ATXN2L: variants seen among roughly 807,000 people sequenced by gnomAD.
The protein encoded by ATXN2L is ataxin-2-like protein.
In ATXN2L, 24 loss-of-function variants were observed where a neutral mutation model predicts 120.7. That is an observed-to-expected ratio of 0.20 (90% CI 0.14 to 0.28). The LOEUF (loss-of-function observed/expected upper bound fraction) is 0.28, where lower values mean the gene tolerates loss of function less well. Among genes scored for constraint, ATXN2L ranks in the 10% least tolerant of loss-of-function variants. The pLI is 1.00. For synonymous variants in ATXN2L, 653 were observed against 568.1 expected, an observed-to-expected ratio of 1.15 and a Z score of -2.13; for missense variants, 1,312 against 1,432.3, an observed-to-expected ratio of 0.92 and a Z score of 1.36.
At position 28,833,484 on chromosome 16, in the gene ATXN2L, T is replaced by C. The variant is rs762754239; in HGVS notation, c.2001T>C (p.Asn667=). 1.2e-6 allele frequency: 2 copies of C among 1,614,202 alleles called. No homozygotes were observed. Among genetic ancestry groups the C allele is most frequent in the Non-Finnish European group, 1.7e-6 (2 of 1,180,028 alleles). ...TGAACCCTAATGCTAAGGAGTTCAA[T>C]CCTACAAAGCCTCTGCTGTCTGTGG... is the stretch of plus-strand genomic sequence containing the variant. The part of the protein sequence containing the change: ...STLNPNAKEF[N]PTKPLLSVNK... Residue 667 remains asparagine (N), a synonymous_variant, in exon 15 of 22, where the codon AAT becomes AAC. Coordinates refer to ENST00000336783, the MANE Select transcript of ATXN2L (RefSeq NM_007245.4).
At chr16:28,825,429 A>G (rs765988438) in intron 2 of ATXN2L, 27 bp downstream of exon 2, 4 of 1,610,990 alleles carry the variant, frequency 2.5e-6, no homozygotes, top group Non-Finnish European at 3.4e-6. Flanking sequence ...ACCCTGTTTA[A>G]GATACATAGA....
chr16:28,835,438 G>GAA, intron 20 of ATXN2L, 39 bp downstream of exon 20: 1 of 1,611,852 alleles, frequency 6.2e-7, no homozygotes. Flanking sequence ...CCTGGTGCAG[G>GAA]AATGGGTGGC....
intron 1 of ATXN2L, 39 bp from the exon 2 acceptor site, chr16:28,825,327 C>G (rs771185603): frequency 5.9e-5 from 95 of 1,604,030 alleles, no homozygotes; most frequent in Non-Finnish European, 8.1e-5. Context: ...TCTAAGAGGG[C>G]TTGAACAGAC....
Position 28,836,022 on chromosome 16 carries a change from G to C in ATXN2L, c.2985G>C (p.Gln995His), listed in dbSNP as rs1376397051. ...AGGTGATGCTGCTGCACCCACCCCA[G>C]AGTCATGGGGGGCCCCCCCAAGGCG... Reference protein sequence around the residue: ...PPQVMLLHPPQSHGGPPQGAV... With the variant: ...PPQVMLLHPPHSHGGPPQGAV... The change falls in exon 22 of 22, where the codon CAG becomes CAC. Residue 995 changes from glutamine (Q) to histidine (H), a missense_variant. By Grantham distance (24) the Gln-to-His change is conservative (BLOSUM62 0). Transcript: ENST00000336783. 12 of 1,453,590 alleles carry C rather than the reference G, an allele frequency of 8.3e-6. No individual in the cohort carries two copies. The highest frequency in any genetic ancestry group is 1.0e-5 in the Non-Finnish European group (11 of 1,082,452). 90.0% of individuals were successfully genotyped at this position (1,453,590 alleles called of 1,614,324 possible).
At chr16:28,828,140 A>G (rs1015061602) in intron 6 of ATXN2L, among the ~76,000 whole-genome samples, 2 of 152,190 alleles carry the variant, frequency 1.3e-5, no homozygotes, top group Non-Finnish European at 2.9e-5. Flanking sequence ...TTTTGCTACT[A>G]AAAATAGTAC....
chr16:28,833,829 G>A, intron 15 of ATXN2L: 1 of 640,576 alleles, frequency 1.6e-6, no homozygotes. Flanking sequence ...AGCTGACTTG[G>A]CTTGAGCCCC....
intron 6 of ATXN2L, among the ~76,000 whole-genome samples, chr16:28,828,212 C>T (rs977479683): frequency 1.3e-5 from 2 of 152,160 alleles, no homozygotes; most frequent in East Asian, 3.8e-4. Flanking sequence ...TCTGGGATGT[C>T]TTGGAAATAG....
Position 28,826,858 on chromosome 16 carries a change from A to T in ATXN2L, c.617-4A>T. The T allele has an allele frequency of 6.4e-7, 1 of 1,572,628 alleles. No individual in the cohort carries two copies. The highest frequency in any genetic ancestry group is 8.7e-7 in the Non-Finnish European group (1 of 1,154,920). On this transcript the variant is annotated splice_polypyrimidine_tract_variant and splice_region_variant and intron_variant, in intron 5 of 21. Transcript: ENST00000336783. ...ACTCCTGATCTTCACCTCTGCCCCCACAGACAAGTTCACCGATTCAGCCAT... is the reference window on the plus strand; with the variant it reads ...ACTCCTGATCTTCACCTCTGCCCCCTCAGACAAGTTCACCGATTCAGCCAT...
In ATXN2L at chr16:28,832,803, CTG is replaced by C. The variant is rs781773162; in HGVS notation, c.1589-12_1589-11del. On this transcript the variant is annotated splice_polypyrimidine_tract_variant and intron_variant, in intron 12 of 21. Transcript: ENST00000336783. ...ATGTTTTGTATTTTCTTCTTTTTGA[CTG>C]TTTTCTCATAGTCCCTGGTCTTCAG... is the stretch of plus-strand genomic sequence containing the variant. 3 of 1,613,450 alleles carry C rather than the reference CTG, an allele frequency of 1.9e-6. No homozygotes were observed. Among genetic ancestry groups the C allele is most frequent in the Non-Finnish European group, 2.5e-6 (3 of 1,179,536 alleles).
rs772610770 is a variant in ATXN2L, at chr16:28,832,279, C to T, written c.1396C>T (p.Pro466Ser). 3 of 1,614,162 alleles carry T rather than the reference C, an allele frequency of 1.9e-6. No homozygotes were observed. Among genetic ancestry groups the T allele is most frequent in the Non-Finnish European group, 2.5e-6 (3 of 1,180,024 alleles). The change falls in exon 11 of 22, where the codon CCC (proline) becomes TCC (serine). Residue 466 changes from proline to serine, a missense_variant. By Grantham distance (74) the Pro-to-Ser change is moderately conservative. Coordinates refer to ENST00000336783, the MANE Select transcript of ATXN2L (RefSeq NM_007245.4). The part of the protein sequence containing the change: ...APISASCPEP[P>S]IGSAVPTSSA... ...AATCTCAGCTTCCTGTCCAGAGCCT[C>T]CCATCGGCTCGGCAGTGCCAACCTC...
In ATXN2L at chr16:28,823,510, C is replaced by CGCA; in HGVS notation, c.255_257dup (p.Gln86dup). ...ATCTTGGCGCCGCAGCCGCCGCCGC[C>CGCA]GCAGCAACACCAGGAGAGGCCGGGG... On this transcript the variant is annotated inframe_insertion, in exon 1 of 22. Coordinates refer to ENST00000336783, the MANE Select transcript of ATXN2L (RefSeq NM_007245.4). The CGCA allele has an allele frequency of 2.2e-6, 3 of 1,381,628 alleles. No homozygotes were observed. The highest frequency in any genetic ancestry group is 3.1e-5 in the East Asian group (1 of 32,530). The allele number at this position is 1,381,628 out of a possible 1,614,324, so 85.6% of individuals were successfully genotyped here. A position where few individuals can be genotyped will look rare whatever the true frequency, so the allele number is the denominator to read the frequency against.
chr16:28,825,932 G>T, intron 4 of ATXN2L, 91 bp downstream of exon 4: 1 of 1,261,356 alleles, frequency 7.9e-7, no homozygotes, highest in South Asian at 1.2e-5. Flanking sequence ...GGTGATGTCA[G>T]AGTATGCCTT....
chr16:28,824,181 C>T (rs1017147516), intron 1 of ATXN2L: 58 of 1,037,670 alleles, frequency 5.6e-5, no homozygotes, highest in Admixed American at 4.7e-4. Context: ...TCTCATGACC[C>T]GGGCATTCGC....
In ATXN2L at chr16:28,823,166, A is replaced by C; in HGVS notation, c.-94A>C. 29 of 571,814 alleles carry C rather than the reference A, an allele frequency of 5.1e-5. No homozygotes were observed. Among genetic ancestry groups the C allele is most frequent in the East Asian group, 9.5e-5 (1 of 10,474 alleles). The allele number at this position is 571,814 out of a possible 1,614,324, so 35.4% of individuals were successfully genotyped here. A position where few individuals can be genotyped will look rare whatever the true frequency, so the allele number is the denominator to read the frequency against. The stretch of plus-strand genomic sequence containing the variant: ...GCCCACGGCGGGCCCCGGCTGCCCG[A>C]TCCCCCTCGCTTCCCGCGCTCTCCA... On this transcript the variant is annotated 5_prime_UTR_variant, in exon 1 of 22. Transcript: ENST00000336783.
intron 15 of ATXN2L, chr16:28,833,815 G>A: frequency 1.6e-6 from 1 of 623,218 alleles, no homozygotes; most frequent in East Asian, 2.8e-5. Context: ...CATGAACAGA[G>A]GCCAGCTGAC....
chr16:28,825,923 G>T, intron 4 of ATXN2L, 82 bp downstream of exon 4: 1 of 1,325,382 alleles, frequency 7.5e-7, no homozygotes, highest in Non-Finnish European at 1.1e-6. Flanking sequence ...TGTCAATTGG[G>T]TGATGTCAGA....
intron 5 of ATXN2L, chr16:28,826,638 T>A (rs932659661): frequency 1.6e-6 from 1 of 628,400 alleles, no homozygotes; most frequent in African/African-American, 1.8e-5. Context: ...TTTCTTTGCT[T>A]GGTTTTTAAC....
In ATXN2L at chr16:28,826,356, C is replaced by T. The variant is rs1038947074; in HGVS notation, c.582C>T (p.His194=). Residue 194 remains histidine (H), a synonymous_variant, in exon 5 of 22, where the codon CAC becomes CAT. Transcript: ENST00000336783. The stretch of plus-strand genomic sequence containing the variant: ...AGCCAAGTGATGTCATGCTTGTTCA[C>T]TTCCGAAATGTTGACTTCAACTATG... ...VFKPSDVMLV[H]FRNVDFNYAT... 3.7e-6 allele frequency: 6 copies of T among 1,614,092 alleles called. No homozygotes were observed. In the African/African-American group the frequency reaches 8.0e-5, roughly 22 times the overall value.
chr16:28,832,146 C>T lies in ATXN2L; in HGVS notation c.1322-59C>T, dbSNP rs543540561. Reference sequence around the variant, plus strand: ...CTTTCTTGCTGTTTTGAGTAAGGCCCTTGTACTCACTGCTGTTGACCAGCA... The same window carrying T: ...CTTTCTTGCTGTTTTGAGTAAGGCCTTTGTACTCACTGCTGTTGACCAGCA... On this transcript the variant is annotated intron_variant, in intron 10 of 21. Transcript: ENST00000336783. 146 of 1,578,584 alleles carry T rather than the reference C, an allele frequency of 9.2e-5. No individual in the cohort carries two copies. In the Admixed American group the frequency reaches 2.4e-3, roughly 26 times the overall value.
Sources: gnomAD v4.1 joint callset for allele counts (sites outside exome capture counted in the v4.1 genomes callset) on GRCh38, gnomAD v4.1.1 for gene constraint, MANE v1.5 for transcripts, NCBI Gene and HGNC (gene_info 2026-07-23, HGNC 2026-07-21) for gene names.